The following RBFOX2 variants were observed in gnomAD, a reference collection of about 807,000 sequenced individuals.
RBFOX2 encodes RNA binding protein fox-1 homolog 2.
In RBFOX2, 10 loss-of-function variants were observed where a neutral mutation model predicts 49.1. That is an observed-to-expected ratio of 0.20 (90% CI 0.13 to 0.35). The LOEUF is 0.35. Among genes scored for constraint, RBFOX2 ranks in the 10% least tolerant of loss-of-function variants. The pLI is 1.00. For synonymous variants in RBFOX2, 183 were observed against 187.4 expected (o/e 0.98, Z 0.19); for missense variants, 323 against 486.9 (o/e 0.66, Z 3.17).
exon 1 of RBFOX2, chr22:36,028,547 C>T: frequency 4.4e-6 from 4 of 907,416 alleles, no homozygotes; most frequent in East Asian, 1.2e-4. Context: ...CGCGTGCGTG[C>T]GTGCGTGCGC....
At chr22:35,926,673 G>C (rs772439518) in intron 1 of RBFOX2, among the ~76,000 whole-genome samples, 57 of 152,240 alleles carry the variant, frequency 3.7e-4, no homozygotes, top group Non-Finnish European at 6.8e-4. Flanking sequence ...ACAGAAGAGC[G>C]ATGAGAATAA....
intron 1 of RBFOX2, among the ~76,000 whole-genome samples, chr22:35,848,808 A>G (rs2041532159): frequency 3.9e-5 from 6 of 152,320 alleles, no homozygotes; most frequent in Admixed American, 2.6e-4. Flanking sequence ...TTCCATCACA[A>G]TATTTCAAAA....
chr22:36,028,532 G>T, exon 1 of RBFOX2: 1 of 959,972 alleles, frequency 1.0e-6, no homozygotes, highest in Non-Finnish European at 1.2e-6. Flanking sequence ...GCCTGCCCCC[G>T]CCCCCGCGTG....
chr22:35,934,942 C>T (rs1452865336), intron 1 of RBFOX2, among the ~76,000 whole-genome samples: 2 of 151,926 alleles, frequency 1.3e-5, no homozygotes, highest in South Asian at 2.1e-4. Flanking sequence ...TTTATTTATT[C>T]ATTTATTTTT....
chr22:35,914,915 T>C (rs941501480), intron 1 of RBFOX2, among the ~76,000 whole-genome samples: 2 of 152,248 alleles, frequency 1.3e-5, no homozygotes, highest in African/African-American at 4.8e-5. Flanking sequence ...ACCAGATCCT[T>C]AGTAATGCAA....
chr22:35,765,572 T>G, intron 5 of RBFOX2, 89 bp from the exon 7 acceptor site: 2 of 648,532 alleles, frequency 3.1e-6, no homozygotes, highest in South Asian at 6.0e-5. Context: ...GAGTATTTAG[T>G]TTAAAATGTA....
intron 1 of RBFOX2, among the ~76,000 whole-genome samples, chr22:35,855,025 T>C (rs745454461): frequency 2.1e-3 from 322 of 152,296 alleles, no homozygotes; most frequent in Non-Finnish European, 3.3e-3. Flanking sequence ...CATGGATCAA[T>C]AGCTCAACAT....
intron 1 of RBFOX2, among the ~76,000 whole-genome samples, chr22:35,820,594 T>C (rs962190789): frequency 6.6e-6 from 1 of 152,218 alleles, no homozygotes; most frequent in Non-Finnish European, 1.5e-5. Context: ...TTTGCTTACA[T>C]ATGTATTGTC....
intron 2 of RBFOX2, among the ~76,000 whole-genome samples, chr22:35,786,465 T>A (rs1019306212): frequency 9.2e-5 from 14 of 152,196 alleles, no homozygotes; most frequent in Non-Finnish European, 1.2e-4. Flanking sequence ...TAGAGCTGAA[T>A]ATTCACAATG....
intron 1 of RBFOX2, among the ~76,000 whole-genome samples, chr22:35,811,278 T>C (rs546724703): frequency 6.6e-6 from 1 of 152,286 alleles, no homozygotes; most frequent in South Asian, 2.1e-4. Context: ...TATGTTGAAG[T>C]TCTAACCCTC....
intron 1 of RBFOX2, among the ~76,000 whole-genome samples, chr22:35,970,791 A>T (rs2056829011): frequency 6.6e-6 from 1 of 152,238 alleles, no homozygotes; most frequent in Admixed American, 6.5e-5. Context: ...ATTTTTACAT[A>T]GTCTATCCTA....
At chr22:35,854,455 C>A (rs1005837241) in intron 1 of RBFOX2, among the ~76,000 whole-genome samples, 1 of 151,880 alleles carries the variant, frequency 6.6e-6, no homozygotes, top group Non-Finnish European at 1.5e-5. Flanking sequence ...GGTATGGTGG[C>A]ACACAGCATG....
intron 1 of RBFOX2, among the ~76,000 whole-genome samples, chr22:35,816,885 ATCT>A (rs1439602288): frequency 6.6e-6 from 1 of 152,164 alleles, no homozygotes; most frequent in African/African-American, 2.4e-5. Flanking sequence ...CTACCAACTC[ATCT>A]TTTACCTTGT....
chr22:35,967,170 T>C (rs1299064833), intron 1 of RBFOX2, among the ~76,000 whole-genome samples: 1 of 152,190 alleles, frequency 6.6e-6, no homozygotes, highest in Non-Finnish European at 1.5e-5. Context: ...AATTCCTAAG[T>C]TTGATGTAGT....
chr22:36,014,825 T>C (rs1177135231), intron 1 of RBFOX2, among the ~76,000 whole-genome samples: 1 of 152,196 alleles, frequency 6.6e-6, no homozygotes, highest in Non-Finnish European at 1.5e-5. Context: ...CAAAAATCAC[T>C]AGAAGTCCCT....
At chr22:35,966,677 G>T (rs938019558) in intron 1 of RBFOX2, among the ~76,000 whole-genome samples, 1 of 152,106 alleles carries the variant, frequency 6.6e-6, no homozygotes, top group East Asian at 1.9e-4. Flanking sequence ...TTGTTCAAAA[G>T]ATTCATTAAA....
upstream of RBFOX2, chr22:35,938,944 T>C (rs377642627): frequency 3.9e-6 from 6 of 1,521,658 alleles, no homozygotes; most frequent in African/African-American, 6.9e-5. Flanking sequence ...TGAAAGAAAA[T>C]GTTAGGCATA....
rs757338281 is a variant in RBFOX2 at position 35,765,391 on chromosome 22, T to C, written c.607+32A>G. ...AAAACTTCATATATTTACACAAGAA[T>C]AAACACTCTTTCGAAGATTATAATT... is the stretch of plus-strand genomic sequence containing the variant. On this transcript the variant is annotated intron_variant, in intron 6 of 11. Coordinates refer to ENST00000405409, the Ensembl canonical transcript of RBFOX2. 44 of 1,440,828 alleles carry C rather than the reference T, an allele frequency of 3.1e-5. No individual in the cohort carries two copies. The South Asian group carries it at 5.3e-4, about 17-fold the overall frequency. The allele number at this position is 1,440,828 out of a possible 1,614,324, so 89.3% of individuals were successfully genotyped here. A position where few individuals can be genotyped will look rare whatever the true frequency, so the allele number is the denominator to read the frequency against.
At chr22:35,897,752 C>G in intron 1 of RBFOX2, 3 of 779,342 alleles carry the variant, frequency 3.8e-6, no homozygotes, top group Admixed American at 1.7e-5. Flanking sequence ...CACATATTTG[C>G]AAAATAATTA....
Sources: allele counts gnomAD v4.1 joint callset (sites outside exome capture counted in the v4.1 genomes callset), GRCh38; gene constraint gnomAD v4.1.1; transcripts MANE v1.5; gene names NCBI Gene and HGNC (gene_info 2026-07-23, HGNC 2026-07-21).